The following SASH1 variants were observed in gnomAD, a reference collection of about 807,000 sequenced individuals.
SASH1 encodes the protein SAM and SH3 domain-containing protein 1.
SASH1 carries 44 observed loss-of-function variants against 125.2 expected under a neutral mutation model. The ratio of observed to expected loss-of-function variants is 0.35; its 90% CI spans 0.28 to 0.45. SASH1 has a LOEUF of 0.45. SASH1 is among the 20% of genes least tolerant of loss of function. The pLI, the probability that SASH1 is intolerant of heterozygous loss-of-function variation, is 1.00. For synonymous variants in SASH1, 639 were observed against 649.1 expected (o/e 0.98, Z 0.24); for missense variants, 1,426 against 1,614.5 (o/e 0.88, Z 2.00).
Position 148,513,417 on chromosome 6 carries a change from T to G in SASH1, c.730-907T>G, listed in dbSNP as rs142330781. 2.4e-4 allele frequency: 233 copies of G among 985,484 alleles called. No homozygotes were observed. In the Middle Eastern group the frequency reaches 3.1e-3, roughly 13 times the overall value. 61.0% of individuals were successfully genotyped at this position (985,484 alleles called of 1,614,324 possible). ...CACTCGTTTAGTCAGAGATCTCTTA[T>G]GCTGTTTCACATTTTGAACAGATAC... is the stretch of plus-strand genomic sequence containing the variant. On this transcript the variant is annotated intron_variant, in intron 8 of 19. Transcript: ENST00000367467.
the SASH1 span, among the ~76,000 whole-genome samples, chr6:148,199,787 A>G: frequency 6.6e-6 from 1 of 151,168 alleles, no homozygotes; most frequent in Non-Finnish European, 1.5e-5. Flanking sequence ...GGAAGGAAGG[A>G]AGGAGAGAGA....
intron 8 of SASH1, among the ~76,000 whole-genome samples, chr6:148,510,453 G>A (rs901575986): frequency 3.3e-5 from 5 of 152,260 alleles, no homozygotes; most frequent in Non-Finnish European, 7.4e-5. Flanking sequence ...TTGAATGTGT[G>A]TGAATATATA....
At chr6:148,435,808 C>T (rs1181328707) in intron 2 of SASH1, among the ~76,000 whole-genome samples, 1 of 152,006 alleles carries the variant, frequency 6.6e-6, no homozygotes, top group Non-Finnish European at 1.5e-5. Context: ...GTTTATTATC[C>T]TCTTCTCTTT....
At chr6:148,195,290 T>A in the SASH1 span, among the ~76,000 whole-genome samples, 3 of 152,368 alleles carry the variant, frequency 2.0e-5, no homozygotes, top group East Asian at 3.9e-4. Context: ...GAGGAACATC[T>A]GTGCTCCAAG....
At chr6:148,259,178 G>T in the SASH1 span, among the ~76,000 whole-genome samples, 1 of 152,166 alleles carries the variant, frequency 6.6e-6, no homozygotes, top group Non-Finnish European at 1.5e-5. Context: ...CCTGTTCCAG[G>T]AGAGCTTGGA....
intron 2 of SASH1, among the ~76,000 whole-genome samples, chr6:148,420,477 C>T (rs1186642951): frequency 2.6e-5 from 4 of 152,128 alleles, no homozygotes; most frequent in African/African-American, 7.2e-5. Flanking sequence ...AAGTGCCAGG[C>T]ACTCTGCTGG....
At chr6:148,238,074 C>T in the SASH1 span, among the ~76,000 whole-genome samples, 109 of 152,242 alleles carry the variant, frequency 7.2e-4, no homozygotes, top group African/African-American at 1.9e-3. Context: ...TATGACCTTA[C>T]GGCTTGTTAC....
chr6:148,345,257 C>T (rs1781485863), intron 1 of SASH1, among the ~76,000 whole-genome samples: 1 of 152,084 alleles, frequency 6.6e-6, no homozygotes, highest in Non-Finnish European at 1.5e-5. Flanking sequence ...GCATTTTCTG[C>T]AGATTTGCTT....
Position 148,387,552 on chromosome 6 carries a change from CCTTT to C in SASH1, c.157-2573_157-2570del, listed in dbSNP as rs1481627837. 1.8e-3 allele frequency among the ~76,000 whole-genome samples: 209 copies of C among 116,032 alleles called. 2 individuals carry two copies. The highest frequency in any genetic ancestry group is 5.4e-3 in the African/African-American group (161 of 29,950). 76.1% of individuals were successfully genotyped at this position (116,032 alleles called of 152,430 possible). On this transcript the variant is annotated intron_variant, in intron 1 of 19. Coordinates refer to ENST00000367467, the MANE Select transcript of SASH1 (RefSeq NM_015278.5). ...CTTTCTTCTTTCTTTCTTTTCTTTTCCTTTCTTTCTTTTCTCTTTCTTTCTTTCT... is the reference window on the plus strand; with the variant it reads ...CTTTCTTCTTTCTTTCTTTTCTTTTCCTTTCTTTTCTCTTTCTTTCTTTCT...
chr6:148,313,441 G>T (rs1485075817), intron 1 of SASH1, among the ~76,000 whole-genome samples: 1 of 152,122 alleles, frequency 6.6e-6, no homozygotes, highest in African/African-American at 2.4e-5. Context: ...GATTCCTGGG[G>T]CATGGTATTT....
intron 4 of SASH1, among the ~76,000 whole-genome samples, chr6:148,455,611 T>C (rs1777304675): frequency 6.6e-6 from 1 of 152,164 alleles, no homozygotes; most frequent in Non-Finnish European, 1.5e-5. Flanking sequence ...ACAGAGATGC[T>C]TGGGAATTTA....
the SASH1 span, among the ~76,000 whole-genome samples, chr6:148,257,505 T>C: frequency 5.9e-5 from 9 of 152,240 alleles, no homozygotes; most frequent in African/African-American, 1.9e-4. Context: ...AATTTGAATA[T>C]TAGACTTTAG....
intron 4 of SASH1, among the ~76,000 whole-genome samples, chr6:148,441,452 G>T (rs1470669700): frequency 6.6e-6 from 1 of 152,190 alleles, no homozygotes; most frequent in African/African-American, 2.4e-5. Context: ...GCCCACTCAG[G>T]TTGAGAAGAT....
At chr6:148,428,586 G>A (rs1007967098) in intron 2 of SASH1, among the ~76,000 whole-genome samples, 11 of 122,322 alleles carry the variant, frequency 9.0e-5, no homozygotes, top group African/African-American at 1.6e-4. Context: ...CTGAGATGGC[G>A]CCACTGCACT....
At chr6:148,372,433 T>C (rs1478528163) in intron 1 of SASH1, among the ~76,000 whole-genome samples, 2 of 152,176 alleles carry the variant, frequency 1.3e-5, no homozygotes, top group East Asian at 1.9e-4. Context: ...TTTGAAATCA[T>C]ACAAAGAGAA....
chr6:148,543,698 GCCT>G lies in SASH1; in HGVS notation c.2232_2234del (p.Leu745del). The G allele has an allele frequency of 6.5e-7, 1 of 1,541,186 alleles. No homozygotes were observed. Among genetic ancestry groups the G allele is most frequent in the Non-Finnish European group, 8.7e-7 (1 of 1,144,764 alleles). On this transcript the variant is annotated inframe_deletion, in exon 18 of 20. Coordinates refer to ENST00000367467, the MANE Select transcript of SASH1 (RefSeq NM_015278.5). The stretch of plus-strand genomic sequence containing the variant: ...CTCACAGGCAAGACTCGGAAAGCTA[GCCT>G]CCTATCTGCCAAGTCATCCACCGAG...
At chr6:148,410,388 GC>G (rs1043436692) in intron 2 of SASH1, among the ~76,000 whole-genome samples, 3 of 151,976 alleles carry the variant, frequency 2.0e-5, no homozygotes, top group African/African-American at 4.8e-5. Context: ...GTCCTGATGA[GC>G]CCTCCCCGTA....
chr6:148,494,995 T>G (rs1779257527), intron 8 of SASH1, among the ~76,000 whole-genome samples: 1 of 152,214 alleles, frequency 6.6e-6, no homozygotes, highest in South Asian at 2.1e-4. Flanking sequence ...AGGTTTTACT[T>G]AGAGTTTTCA....
chr6:148,378,053 ATTT>A (rs11412396), intron 1 of SASH1, among the ~76,000 whole-genome samples: 7 of 140,474 alleles, frequency 5.0e-5, no homozygotes, highest in East Asian at 2.1e-4. Flanking sequence ...GTCACCCACA[ATTT>A]TTTTTTTTTT....
Sources: gnomAD v4.1 joint callset for allele counts (sites outside exome capture counted in the v4.1 genomes callset) on GRCh38, gnomAD v4.1.1 for gene constraint, MANE v1.5 for transcripts, NCBI Gene and HGNC (gene_info 2026-07-23, HGNC 2026-07-21) for gene names.